Variants in NLGN1 observed in about 807,000 individuals in gnomAD.
The protein encoded by NLGN1 is neuroligin-1.
A neutral mutation model predicts 65.5 loss-of-function variants in NLGN1; 12 were observed. The observed-to-expected ratio is 0.18, with a 90% CI of 0.12 to 0.30. The LOEUF (loss-of-function observed/expected upper bound fraction) is 0.30, where lower values mean the gene tolerates loss of function less well. Among genes scored for constraint, NLGN1 ranks in the 10% least tolerant of loss-of-function variants. The pLI, the probability that NLGN1 is intolerant of heterozygous loss-of-function variation, is 1.00. For missense variants in NLGN1, 750 were observed against 1,007.1 expected, an observed-to-expected ratio of 0.74 and a Z score of 3.46; for synonymous variants, 350 against 359.5, an observed-to-expected ratio of 0.97 and a Z score of 0.30.
Position 173,629,652 on chromosome 3 carries a change from CT to C in NLGN1, c.493+24565del, listed in dbSNP as rs1230741279. Among the ~76,000 whole-genome samples, 13 of 152,114 alleles carry C rather than the reference CT, an allele frequency of 8.5e-5. No individual in the cohort carries two copies. The East Asian group carries it at 2.5e-3, about 30-fold the overall frequency. On this transcript the variant is annotated intron_variant, in intron 3 of 6. Coordinates refer to ENST00000457714, the Ensembl canonical transcript of NLGN1. ...CACTTGGAAATCCTTAGACAAAGGG[CT>C]TTTAGCAAGTTGTATATCAAGTTTC...
At chr3:173,952,480 A>G (rs1225268287) in intron 4 of NLGN1, among the ~76,000 whole-genome samples, 1 of 152,150 alleles carries the variant, frequency 6.6e-6, no homozygotes, top group African/African-American at 2.4e-5. Context: ...AAGCTAACAA[A>G]TGGCCTTATT....
intron 4 of NLGN1, among the ~76,000 whole-genome samples, chr3:173,901,240 G>A (rs1579076797): frequency 6.6e-6 from 1 of 151,838 alleles, no homozygotes; most frequent in Non-Finnish European, 1.5e-5. Flanking sequence ...ATGTGCATGT[G>A]CGTGTAATCC....
At chr3:173,734,449 T>C (rs969566575) in intron 3 of NLGN1, among the ~76,000 whole-genome samples, 2 of 137,450 alleles carry the variant, frequency 1.5e-5, no homozygotes, top group African/African-American at 5.4e-5. Context: ...CAGGCTGAAG[T>C]GCAGTGGCTC....
At chr3:173,415,904 TAGAGAGAGAGAGAGGGAG>T (rs1452048068) in intron 1 of NLGN1, among the ~76,000 whole-genome samples, 1 of 125,440 alleles carries the variant, frequency 8.0e-6, no homozygotes, top group Non-Finnish European at 1.7e-5. Context: ...TATATATATA[TAGAGAGAGAGAGAGGGAG>T]AGAGAGAGAG....
chr3:173,608,866 T>C (rs1303422076), intron 3 of NLGN1, among the ~76,000 whole-genome samples: 2 of 151,938 alleles, frequency 1.3e-5, no homozygotes, highest in African/African-American at 4.8e-5. Context: ...AAGCTAATGT[T>C]AGCAGCCAAT....
At chr3:173,881,376 C>A (rs995731290) in intron 4 of NLGN1, among the ~76,000 whole-genome samples, 1 of 149,990 alleles carries the variant, frequency 6.7e-6, no homozygotes, top group Non-Finnish European at 1.5e-5. Flanking sequence ...GGATTACAGG[C>A]CTGAGCCACT....
chr3:174,208,148 C>T (rs183550074), intron 4 of NLGN1, among the ~76,000 whole-genome samples: 3 of 152,168 alleles, frequency 2.0e-5, no homozygotes, highest in Admixed American at 2.0e-4. Flanking sequence ...TCATTCAATT[C>T]CAATTCTATG....
At chr3:173,479,971 C>T (rs1446491719) in intron 2 of NLGN1, among the ~76,000 whole-genome samples, 1 of 152,074 alleles carries the variant, frequency 6.6e-6, no homozygotes, top group Non-Finnish European at 1.5e-5. Context: ...TGATTTCCAA[C>T]TGTCATTGAA....
At chr3:173,939,077 T>C (rs1272926420) in intron 4 of NLGN1, among the ~76,000 whole-genome samples, 4 of 152,224 alleles carry the variant, frequency 2.6e-5, no homozygotes. Context: ...AAAGGTTACA[T>C]GATATAAAGC....
At chr3:174,010,178 A>C (rs1725246812) in intron 4 of NLGN1, among the ~76,000 whole-genome samples, 1 of 152,192 alleles carries the variant, frequency 6.6e-6, no homozygotes, top group African/African-American at 2.4e-5. Flanking sequence ...TCAAAACATA[A>C]TACCTCTGAA....
chr3:173,994,491 A>AAAAAAAAAAGAG (rs10688223), intron 4 of NLGN1, among the ~76,000 whole-genome samples: 30 of 81,236 alleles, frequency 3.7e-4, no homozygotes, highest in East Asian at 1.3e-3. Flanking sequence ...AAAAAAAAAA[A>AAAAAAAAAAGAG]AGAGAGAGAG....
downstream of NLGN1, among the ~76,000 whole-genome samples, chr3:174,288,429 G>A (rs1241927897): frequency 6.6e-6 from 1 of 151,410 alleles, no homozygotes; most frequent in African/African-American, 2.4e-5. Flanking sequence ...CCATGGGTCT[G>A]AATTCTAAAA....
At chr3:173,682,896 C>G (rs2149791029) in intron 3 of NLGN1, among the ~76,000 whole-genome samples, 1 of 152,224 alleles carries the variant, frequency 6.6e-6, no homozygotes. Context: ...TTAGATATCT[C>G]TTTAGTTGAA....
chr3:173,962,903 T>G (rs942319717), intron 4 of NLGN1, among the ~76,000 whole-genome samples: 3 of 152,180 alleles, frequency 2.0e-5, no homozygotes, highest in Non-Finnish European at 4.4e-5. Context: ...TTCACTGGTA[T>G]GTAGCAGTTG....
At chr3:173,988,505 G>A (rs745956752) in intron 4 of NLGN1, among the ~76,000 whole-genome samples, 1 of 152,078 alleles carries the variant, frequency 6.6e-6, no homozygotes, top group African/African-American at 2.4e-5. Flanking sequence ...GATGCATGAA[G>A]GAAGATAGCA....
chr3:173,411,020 G>A (rs1008336611), intron 1 of NLGN1, among the ~76,000 whole-genome samples: 1 of 152,186 alleles, frequency 6.6e-6, no homozygotes, highest in Non-Finnish European at 1.5e-5. Flanking sequence ...TTACAGCTCC[G>A]CTGGCATAGG....
At chr3:173,820,557 T>G (rs914876681) in intron 4 of NLGN1, among the ~76,000 whole-genome samples, 4 of 152,244 alleles carry the variant, frequency 2.6e-5, no homozygotes, top group African/African-American at 4.8e-5. Flanking sequence ...AGTAAACTAC[T>G]TCTCTATGCA....
intron 4 of NLGN1, among the ~76,000 whole-genome samples, chr3:174,220,152 G>C (rs1738370564): frequency 6.6e-6 from 1 of 152,262 alleles, no homozygotes; most frequent in South Asian, 2.1e-4. Context: ...ACCTGGATGA[G>C]TTTGGGACTA....
chr3:174,076,193 G>A (rs1018864065), intron 4 of NLGN1, among the ~76,000 whole-genome samples: 1 of 151,834 alleles, frequency 6.6e-6, no homozygotes, highest in African/African-American at 2.4e-5. Flanking sequence ...ATTTAGAAGT[G>A]ATACAGGCAA....
Sources: allele counts gnomAD v4.1 joint callset (sites outside exome capture counted in the v4.1 genomes callset), GRCh38; gene constraint gnomAD v4.1.1; transcripts MANE v1.5; gene names NCBI Gene and HGNC (gene_info 2026-07-23, HGNC 2026-07-21).